PCDHGA12: variants seen among roughly 807,000 people sequenced by gnomAD.
PCDHGA12 encodes protocadherin gamma-A12.
In PCDHGA12, 43 loss-of-function variants were observed where a neutral mutation model predicts 61.1. That is an observed-to-expected ratio of 0.70 (90% confidence interval 0.55 to 0.91). The LOEUF is 0.91. Among genes scored for constraint, PCDHGA12 ranks in the 40% least tolerant of loss-of-function variants. The pLI, the probability that PCDHGA12 is intolerant of heterozygous loss-of-function variation, is 0.00. For missense variants in PCDHGA12, 1,236 were observed against 1,227.7 expected (o/e 1.01, Z -0.10); for synonymous variants, 520 against 542.9 (o/e 0.96, Z 0.59).
intron 1 of PCDHGA12, among the ~76,000 whole-genome samples, chr5:141,456,690 C>T (rs893478646): frequency 7.2e-5 from 11 of 152,218 alleles, no homozygotes; most frequent in Admixed American, 5.2e-4. Flanking sequence ...ACTGGCCAGG[C>T]GTGGTGGCTC....
chr5:141,480,816 G>A (rs1400500941), intron 1 of PCDHGA12, among the ~76,000 whole-genome samples: 4 of 152,208 alleles, frequency 2.6e-5, no homozygotes, highest in Admixed American at 2.0e-4. Flanking sequence ...GGAGGCTGAG[G>A]TGGGTGGATC....
At chr5:141,505,352 C>CG in intron 2 of PCDHGA12, 41 bp from the exon 3 acceptor site, 1 of 1,613,302 alleles carries the variant, frequency 6.2e-7, no homozygotes, top group East Asian at 2.2e-5. Context: ...TGAGCTGTGC[C>CG]GGCCTGGGAG....
At chr5:141,497,201 G>A (rs1190666375) in intron 2 of PCDHGA12, among the ~76,000 whole-genome samples, 1 of 93,734 alleles carries the variant, frequency 1.1e-5, no homozygotes, top group African/African-American at 8.6e-5. Flanking sequence ...AGAACAATGT[G>A]AGTGTAATGG....
Position 141,486,253 on chromosome 5 carries a change from C to A in PCDHGA12, c.2425-8554C>A. The A allele has an allele frequency of 6.2e-7, 1 of 1,614,138 alleles. No individual in the cohort carries two copies. Among genetic ancestry groups the A allele is most frequent in the Non-Finnish European group, 8.5e-7 (1 of 1,180,006 alleles). On this transcript the variant is annotated intron_variant, in intron 1 of 3. Transcript: ENST00000252085. This position sits in a 1 kb window ranked among gnomAD's most constrained non-coding sequence, Gnocchi z 5.0. ...TGACCTCAGAGCTTGGAACCCTCCC[C>A]GAGAGTGCAGAACCTGGCACTGTGG...
intron 1 of PCDHGA12, among the ~76,000 whole-genome samples, chr5:141,464,222 G>A (rs1189319398): frequency 2.7e-5 from 4 of 147,818 alleles, no homozygotes; most frequent in African/African-American, 7.5e-5. Flanking sequence ...CTGAGATTGC[G>A]CCACTGCACT....
intron 1 of PCDHGA12, among the ~76,000 whole-genome samples, chr5:141,452,575 T>A (rs1386847800): frequency 6.6e-6 from 1 of 152,192 alleles, no homozygotes; most frequent in Non-Finnish European, 1.5e-5. Flanking sequence ...CCTTCCCCCT[T>A]TCCATCTTTG....
chr5:141,485,632 G>T lies in PCDHGA12; in HGVS notation c.2425-9175G>T. The T allele has an allele frequency of 6.2e-7, 1 of 1,611,766 alleles. No homozygotes were observed. Among genetic ancestry groups the T allele is most frequent in the Non-Finnish European group, 8.5e-7 (1 of 1,178,342 alleles). The stretch of plus-strand genomic sequence containing the variant: ...CAGCTCCTCCAGGACAGCGTTTCCC[G>T]TTGGAAAAGGCTCAGGATGCAGATG... On this transcript the variant is annotated intron_variant, in intron 1 of 3. Coordinates refer to ENST00000252085, the MANE Select transcript of PCDHGA12 (RefSeq NM_003735.3). This position sits in a 1 kb window ranked among gnomAD's most constrained non-coding sequence, Gnocchi z 5.7.
intron 1 of PCDHGA12, among the ~76,000 whole-genome samples, chr5:141,438,591 C>CATACAT (rs1228520343): frequency 1.3e-5 from 1 of 75,562 alleles, no homozygotes; most frequent in Non-Finnish European, 2.7e-5. Flanking sequence ...TACATACATA[C>CATACAT]ATATATATAT....
At chr5:141,437,529 C>T (rs1205365959) in intron 1 of PCDHGA12, among the ~76,000 whole-genome samples, 1 of 152,102 alleles carries the variant, frequency 6.6e-6, no homozygotes, top group African/African-American at 2.4e-5. Flanking sequence ...GACAAATGAG[C>T]AAATTGTATC....
intron 1 of PCDHGA12, among the ~76,000 whole-genome samples, chr5:141,465,785 T>G (rs564238782): frequency 6.6e-6 from 1 of 152,262 alleles, no homozygotes; most frequent in South Asian, 2.1e-4. Flanking sequence ...TACAGTTTTT[T>G]TTTTTTTAAG....
intron 1 of PCDHGA12, among the ~76,000 whole-genome samples, chr5:141,449,081 C>T (rs2098627623): frequency 6.6e-6 from 1 of 152,180 alleles, no homozygotes; most frequent in South Asian, 2.1e-4. Flanking sequence ...CCTGTACCTA[C>T]ATCAGTTTTT....
chr5:141,489,042 A>T lies in PCDHGA12; in HGVS notation c.2425-5765A>T. On this transcript the variant is annotated intron_variant, in intron 1 of 3. Coordinates refer to ENST00000252085, the MANE Select transcript of PCDHGA12 (RefSeq NM_003735.3). This position sits in a 1 kb window ranked among gnomAD's most constrained non-coding sequence, Gnocchi z 4.5. ...TCTCCTCCTCCAGCTCCCCAGCTCCACTCAAATTCAGCTCCCCTCCCCCCT... is the reference window on the plus strand; with the variant it reads ...TCTCCTCCTCCAGCTCCCCAGCTCCTCTCAAATTCAGCTCCCCTCCCCCCT... The T allele has an allele frequency of 4.2e-6, 2 of 473,800 alleles. No individual in the cohort carries two copies. The highest frequency in any genetic ancestry group is 3.7e-6 in the Non-Finnish European group (1 of 270,920). 29.3% of individuals were successfully genotyped at this position (473,800 alleles called of 1,614,324 possible).
chr5:141,491,233 G>T lies in PCDHGA12; in HGVS notation c.2425-3574G>T. 1 of 1,614,224 alleles carries T rather than the reference G, an allele frequency of 6.2e-7. No homozygotes were observed. The highest frequency in any genetic ancestry group is 2.2e-5 in the East Asian group (1 of 44,890). On this transcript the variant is annotated intron_variant, in intron 1 of 3. Transcript: ENST00000252085. The surrounding 1 kb of genome is among the most constrained non-coding windows in gnomAD (Gnocchi z 6.9). ...CTCCTCCACAGCCACAGTGCTGCTG[G>T]TTCTGGAGGATGAGGACCCTGAGGA...
chr5:141,491,895 A>C lies in PCDHGA12; in HGVS notation c.2425-2912A>C. 1.4e-6 allele frequency: 2 copies of C among 1,434,306 alleles called. No individual in the cohort carries two copies. The highest frequency in any genetic ancestry group is 1.8e-6 in the Non-Finnish European group (2 of 1,084,904). 88.8% of individuals were successfully genotyped at this position (1,434,306 alleles called of 1,614,324 possible). Reference sequence around the variant, plus strand: ...CCGATTAAGGGATGGGGCTCCGAGCACCGGGGGTGGTGGCGACTGTGGGCG... The same window carrying C: ...CCGATTAAGGGATGGGGCTCCGAGCCCCGGGGGTGGTGGCGACTGTGGGCG... On this transcript the variant is annotated intron_variant, in intron 1 of 3. Transcript: ENST00000252085. The surrounding 1 kb of genome is among the most constrained non-coding windows in gnomAD (Gnocchi z 6.9).
rs191165530 is a variant in PCDHGA12 at position 141,439,134 on chromosome 5, A to T, written c.2424+5951A>T. On this transcript the variant is annotated intron_variant, in intron 1 of 3. Coordinates refer to ENST00000252085, the MANE Select transcript of PCDHGA12 (RefSeq NM_003735.3). The stretch of plus-strand genomic sequence containing the variant: ...CTTGAACCCGGGAGACAGAGGTTGC[A>T]GTGAGCTGAGATCACGCCACTGCAC... Among the ~76,000 whole-genome samples the T allele has an allele frequency of 2.4e-3, 368 of 151,344 alleles. 1 individual carries two copies. Among genetic ancestry groups the T allele is most frequent in the African/African-American group, 8.5e-3 (349 of 41,216 alleles).
At position 141,477,961 on chromosome 5, in the gene PCDHGA12, C is replaced by T. The variant is rs199947431; in HGVS notation, c.2425-16846C>T. 21 of 1,614,048 alleles carry T rather than the reference C, an allele frequency of 1.3e-5. No homozygotes were observed. The Admixed American group carries it at 1.5e-4, about 12-fold the overall frequency. On this transcript the variant is annotated intron_variant, in intron 1 of 3. Coordinates refer to ENST00000252085, the MANE Select transcript of PCDHGA12 (RefSeq NM_003735.3). The surrounding 1 kb of genome is among the most constrained non-coding windows in gnomAD (Gnocchi z 4.9). Reference sequence around the variant, plus strand: ...CCTACAGTCTCTTGGGATCCCCTAACCAGAGCCTTTTTGCCATAGGGCTGC... The same window carrying T: ...CCTACAGTCTCTTGGGATCCCCTAATCAGAGCCTTTTTGCCATAGGGCTGC...
chr5:141,492,007 C>A, intron 1 of PCDHGA12: 1 of 629,072 alleles, frequency 1.6e-6, no homozygotes, highest in Non-Finnish European at 2.6e-6. Flanking sequence ...GCGATTTCCG[C>A]GGGTGTCGGG....
chr5:141,459,886 G>A (rs932435611), intron 1 of PCDHGA12, among the ~76,000 whole-genome samples: 2 of 152,080 alleles, frequency 1.3e-5, no homozygotes, highest in Non-Finnish European at 2.9e-5. Context: ...TGAGCTGAAC[G>A]CCTTCTTAAA....
intron 3 of PCDHGA12, among the ~76,000 whole-genome samples, chr5:141,509,089 G>C (rs1366018197): frequency 6.6e-6 from 1 of 152,158 alleles, no homozygotes; most frequent in Non-Finnish European, 1.5e-5. Context: ...ACATGAAATG[G>C]GGGCTGTAGA....
Sources: allele counts gnomAD v4.1 joint callset (sites outside exome capture counted in the v4.1 genomes callset), GRCh38; gene constraint gnomAD v4.1.1; non-coding constraint Gnocchi (gnomAD v3.1); transcripts MANE v1.5; gene names NCBI Gene and HGNC (gene_info 2026-07-23, HGNC 2026-07-21).